Variants in AVEN observed in about 807,000 individuals in gnomAD.
The protein encoded by AVEN is cell death regulator Aven.
A neutral mutation model predicts 38.1 loss-of-function variants in AVEN; 41 were observed. That is an observed-to-expected ratio of 1.08 (90% CI 0.84 to 1.40). The LOEUF (loss-of-function observed/expected upper bound fraction) is 1.40, where lower values mean the gene tolerates loss of function less well. Ranked by LOEUF, AVEN falls within the 40% of genes most tolerant of loss-of-function variation. AVEN has a pLI of 0.00. For synonymous variants in AVEN, 206 were observed against 171.8 expected (o/e 1.20, Z -1.56); for missense variants, 605 against 438.8 (o/e 1.38, Z -3.38).
At chr15:33,868,033 G>C (rs1041275140) in intron 4 of AVEN, among the ~76,000 whole-genome samples, 178 bp from the exon 5 acceptor site, 4 of 152,240 alleles carry the variant, frequency 2.6e-5, no homozygotes, top group South Asian at 4.2e-4. Flanking sequence ...TGACATCTGG[G>C]GTAAATGTGG....
chr15:34,051,602 TAAA>T lies in AVEN; in HGVS notation n.1637+11317_1637+11319del, dbSNP rs575254918. On this transcript the variant is annotated intron_variant and non_coding_transcript_variant, in intron 5 of 11. Coordinates refer to the AVEN transcript ENST00000675287. ...ATAGATAAACCACTAATTAGACTAATAAAGAAGAAAAGAGAGAAGAATCAAATA... is the reference window on the plus strand; with the variant it reads ...ATAGATAAACCACTAATTAGACTAATGAAGAAAAGAGAGAAGAATCAAATA... Among the ~76,000 whole-genome samples the T allele has an allele frequency of 8.6e-3, 1,249 of 144,842 alleles. 5 individuals carry two copies. The highest frequency in any genetic ancestry group is 0.014 in the Non-Finnish European group (910 of 67,078).
At chr15:34,011,837 T>C (rs1897651204) in intron 1 of AVEN, among the ~76,000 whole-genome samples, 1 of 152,210 alleles carries the variant, frequency 6.6e-6, no homozygotes, top group African/African-American at 2.4e-5. Context: ...AGGGACAGAC[T>C]ATGGGATTTC....
rs763248567 is a variant in AVEN at position 33,867,645 on chromosome 15, G to T, written c.823C>A (p.Leu275Met). ...TCCAAATGGTCTCCTGCTGACTGCAGTGGGGAAGTGGGTTTCTGAGAATCC... is the reference window on the plus strand; with the variant it reads ...TCCAAATGGTCTCCTGCTGACTGCATTGGGGAAGTGGGTTTCTGAGAATCC... ...SRDSQKPTSP[L>M]QSAGDHLEEE... Residue 275 changes from leucine to methionine, a missense_variant, in exon 5 of 6, where the codon CTG (leucine) becomes ATG (methionine). Leu to Met is a conservative substitution (Grantham distance 15). Transcript: ENST00000306730. 5 of 1,614,180 alleles carry T rather than the reference G, an allele frequency of 3.1e-6. No homozygotes were observed.
chr15:34,036,456 G>A (rs1899131139), intron 1 of AVEN, among the ~76,000 whole-genome samples: 1 of 151,916 alleles, frequency 6.6e-6, no homozygotes, highest in Admixed American at 6.6e-5. Context: ...TGATCATTTC[G>A]GTTACTCTCT....
chr15:33,901,783 T>C (rs1236330458), intron 2 of AVEN, among the ~76,000 whole-genome samples: 2 of 152,236 alleles, frequency 1.3e-5, no homozygotes, highest in Non-Finnish European at 2.9e-5. Flanking sequence ...CACCTTTTCA[T>C]ATATCTGTTG....
chr15:33,890,132 T>C (rs552447469), intron 2 of AVEN, among the ~76,000 whole-genome samples: 194 of 152,234 alleles, frequency 1.3e-3, no homozygotes, highest in Non-Finnish European at 2.4e-3. Flanking sequence ...TTTGGTTTTC[T>C]GGTTTTTTTA....
At chr15:34,019,864 C>G (rs531701266) in intron 1 of AVEN, among the ~76,000 whole-genome samples, 1 of 152,078 alleles carries the variant, frequency 6.6e-6, no homozygotes, top group Non-Finnish European at 1.5e-5. Context: ...AGACTATATC[C>G]CCATTAAGCA....
intron 2 of AVEN, among the ~76,000 whole-genome samples, chr15:33,964,067 C>T (rs1770190634): frequency 1.3e-5 from 2 of 151,144 alleles, no homozygotes; most frequent in East Asian, 2.0e-4. Context: ...GTTAGTGTCC[C>T]CACTAGCCTA....
downstream of AVEN, among the ~76,000 whole-genome samples, chr15:33,863,328 G>GA (rs1889193202): frequency 6.6e-6 from 1 of 152,178 alleles, no homozygotes; most frequent in African/African-American, 2.4e-5. Context: ...CGGAAAGGCA[G>GA]TGAACATACT....
intron 1 of AVEN, among the ~76,000 whole-genome samples, chr15:34,017,482 T>TG (rs369546047): frequency 0.17 from 11,202 of 65,396 alleles, 622 homozygotes; most frequent in East Asian, 0.45. Flanking sequence ...GATTTTTTTT[T>TG]TGTTTTTTTT....
At chr15:33,908,600 C>G (rs1166426746) in intron 2 of AVEN, among the ~76,000 whole-genome samples, 1 of 152,142 alleles carries the variant, frequency 6.6e-6, no homozygotes, top group Non-Finnish European at 1.5e-5. Flanking sequence ...TAGAATCATA[C>G]AGTATTTTTC....
intron 2 of AVEN, among the ~76,000 whole-genome samples, chr15:33,945,537 G>C (rs1004617586): frequency 6.6e-6 from 1 of 152,058 alleles, no homozygotes; most frequent in Non-Finnish European, 1.5e-5. Flanking sequence ...CATGGCACAG[G>C]AGCTCTTCAT....
At chr15:33,976,126 C>T (rs516625) in intron 2 of AVEN, among the ~76,000 whole-genome samples, 147,260 of 152,220 alleles carry the variant, frequency 0.97, 71,368 homozygotes, top group Non-Finnish European at 1. Flanking sequence ...CTAAATATTA[C>T]AACCAGCAGG....
chr15:34,044,474 G>A (rs980138256), intron 5 of AVEN, among the ~76,000 whole-genome samples: 2 of 152,222 alleles, frequency 1.3e-5, no homozygotes, highest in African/African-American at 4.8e-5. Context: ...CCCTAGGTTT[G>A]TGGGGAAGAC....
chr15:33,935,856 T>G (rs1894040469), intron 2 of AVEN, among the ~76,000 whole-genome samples: 1 of 152,192 alleles, frequency 6.6e-6, no homozygotes, highest in African/African-American at 2.4e-5. Flanking sequence ...ATTATAAATG[T>G]TTAAGACCGA....
At chr15:34,028,586 C>T (rs572537650) in intron 1 of AVEN, among the ~76,000 whole-genome samples, 1 of 151,982 alleles carries the variant, frequency 6.6e-6, no homozygotes, top group Non-Finnish European at 1.5e-5. Flanking sequence ...ACAACAACAA[C>T]AAAAAAGAAG....
chr15:34,055,888 A>G (rs1900127997), intron 5 of AVEN, among the ~76,000 whole-genome samples: 1 of 152,230 alleles, frequency 6.6e-6, no homozygotes, highest in African/African-American at 2.4e-5. Flanking sequence ...TAACAAGATT[A>G]TCCAGGTAAT....
chr15:34,000,673 G>A (rs1044902016), intron 2 of AVEN, among the ~76,000 whole-genome samples: 6 of 152,182 alleles, frequency 3.9e-5, no homozygotes, highest in Non-Finnish European at 8.8e-5. Context: ...AGAGAATGAA[G>A]TTGACCTCTC....
intron 2 of AVEN, among the ~76,000 whole-genome samples, chr15:33,934,711 T>G (rs1290422980): frequency 6.6e-6 from 1 of 152,200 alleles, no homozygotes; most frequent in Non-Finnish European, 1.5e-5. Flanking sequence ...TATCATGTAT[T>G]TACCTTGTAT....
Sources: allele counts gnomAD v4.1 joint callset (sites outside exome capture counted in the v4.1 genomes callset), GRCh38; gene constraint gnomAD v4.1.1; transcripts MANE v1.5; gene names NCBI Gene and HGNC (gene_info 2026-07-23, HGNC 2026-07-21).